The following ERLEC1 variants were observed in gnomAD, a reference collection of about 807,000 sequenced individuals.
ERLEC1 encodes the protein ER lectin.
In ERLEC1, 47 loss-of-function variants were observed where a neutral mutation model predicts 68.0. The observed-to-expected ratio is 0.69, with a 90% CI of 0.55 to 0.88. The LOEUF (loss-of-function observed/expected upper bound fraction) is 0.88. Ranked by LOEUF, ERLEC1 falls within the 40% of genes least tolerant of loss-of-function variation. ERLEC1 has a pLI of 0.00. For missense variants in ERLEC1, 567 were observed against 583.8 expected (o/e 0.97, Z 0.30); for synonymous variants, 225 against 203.2 (o/e 1.11, Z -0.91).
chr2:53,808,187 G>T (rs1161295118), intron 8 of ERLEC1, 112 bp from the exon 9 acceptor site: 1 of 1,141,360 alleles, frequency 8.8e-7, no homozygotes, highest in Non-Finnish European at 1.2e-6. Context: ...AAAGCAAGTG[G>T]ACAATTTATT....
At position 53,817,962 on chromosome 2, in the gene ERLEC1, C is replaced by G; in HGVS notation, c.1445C>G (p.Pro482Arg). 1 of 1,563,616 alleles carries G rather than the reference C, an allele frequency of 6.4e-7. No homozygotes were observed. The highest frequency in any genetic ancestry group is 1.7e-5 in the Admixed American group (1 of 59,958). Residue 482 changes from proline (P) to arginine (R), a missense_variant, in exon 14 of 14, where the codon CCC becomes CGC. By Grantham distance (103) the Pro-to-Arg change is moderately radical (BLOSUM62 -2). Coordinates refer to ENST00000185150, the MANE Select transcript of ERLEC1 (RefSeq NM_015701.5). ...GATGAAAATGGACTTCTTTCTCTCC[C>G]CAACTAAAGGATATTAAAGTTAGGG... ...TADENGLLSL[P>R]N
At chr2:53,808,095 G>A (rs1456160168) in intron 8 of ERLEC1, among the ~76,000 whole-genome samples, 3 of 151,978 alleles carry the variant, frequency 2.0e-5, no homozygotes, top group Admixed American at 1.3e-4. Flanking sequence ...TAGGATGGTC[G>A]TAACTGATAG....
At chr2:53,794,918 G>A (rs1417573681) in intron 2 of ERLEC1, among the ~76,000 whole-genome samples, 2 of 152,142 alleles carry the variant, frequency 1.3e-5, no homozygotes, top group Admixed American at 6.5e-5. Context: ...CTCCCAAAGT[G>A]CTGGGATTAC....
At chr2:53,794,578 A>C in intron 2 of ERLEC1, 129 bp downstream of exon 2, 2 of 546,352 alleles carry the variant, frequency 3.7e-6, no homozygotes, top group South Asian at 5.7e-5. Flanking sequence ...TAAAAATAGT[A>C]ATCACTTTTA....
intron 8 of ERLEC1, among the ~76,000 whole-genome samples, chr2:53,804,786 C>T (rs1298233377): frequency 6.6e-6 from 1 of 151,936 alleles, no homozygotes; most frequent in Non-Finnish European, 1.5e-5. Context: ...TTAACCATCC[C>T]CACCTCCTTC....
At chr2:53,800,980 A>C (rs1675971752) in intron 6 of ERLEC1, among the ~76,000 whole-genome samples, 1 of 152,152 alleles carries the variant, frequency 6.6e-6, no homozygotes, top group South Asian at 2.1e-4. Flanking sequence ...AGACCTATCA[A>C]ATCTAAACTC....
chr2:53,812,975 G>A lies in ERLEC1; in HGVS notation c.1128G>A (p.Val376=), dbSNP rs374322593. ...ACAAGGATAGTGGGAAAACCTCTGT[G>A]GTTGTCGGGACATGGAACCAAGAAG... The part of the protein sequence containing the change: ...HEDKDSGKTS[V]VVGTWNQEEH... The change falls in exon 11 of 14, where the codon GTG becomes GTA. Residue 376 remains valine, a synonymous_variant. Coordinates refer to ENST00000185150, the MANE Select transcript of ERLEC1 (RefSeq NM_015701.5). 9.3e-6 allele frequency: 15 copies of A among 1,613,096 alleles called. No individual in the cohort carries two copies. Among genetic ancestry groups the A allele is most frequent in the East Asian group, 2.2e-5 (1 of 44,870 alleles).
Position 53,792,154 on chromosome 2 carries a change from T to A in ERLEC1, c.163-2191T>A, listed in dbSNP as rs140224058. 8.6e-4 allele frequency among the ~76,000 whole-genome samples: 131 copies of A among 151,846 alleles called. 2 individuals are homozygous for A. In the East Asian group the frequency reaches 0.024, roughly 28 times the overall value. ...TAGTCTGGATCTCCTGCCCTCTATC[T>A]GATCCGCCCGTTTCGGCCTCCCAAA... On this transcript the variant is annotated intron_variant, in intron 1 of 13. Coordinates refer to ENST00000185150, the MANE Select transcript of ERLEC1 (RefSeq NM_015701.5).
intron 3 of ERLEC1, among the ~76,000 whole-genome samples, chr2:53,797,029 T>C (rs1042318156): frequency 7.9e-5 from 12 of 151,716 alleles, no homozygotes; most frequent in African/African-American, 2.7e-4. Flanking sequence ...GTAGCTAGGG[T>C]TACACACACG....
chr2:53,797,682 A>G, intron 4 of ERLEC1, 50 bp from the exon 5 acceptor site: 1 of 1,576,150 alleles, frequency 6.3e-7, no homozygotes, highest in Non-Finnish European at 8.7e-7. Flanking sequence ...TATCCTTAAA[A>G]ATGTCTTTGC....
At chr2:53,815,926 A>G (rs1676852084) in intron 13 of ERLEC1, among the ~76,000 whole-genome samples, 1 of 152,118 alleles carries the variant, frequency 6.6e-6, no homozygotes, top group Non-Finnish European at 1.5e-5. Context: ...AGAGGTCTGG[A>G]CATTAACTCT....
intron 8 of ERLEC1, among the ~76,000 whole-genome samples, chr2:53,807,212 T>A (rs886331158): frequency 6.6e-6 from 1 of 152,204 alleles, no homozygotes; most frequent in African/African-American, 2.4e-5. Flanking sequence ...TTTTACCTCT[T>A]CCTCAAGTCT....
Position 53,808,478 on chromosome 2 carries a change from A to C in ERLEC1, c.1041+18A>C, listed in dbSNP as rs192095321. 1.3e-5 allele frequency: 21 copies of C among 1,610,970 alleles called. No individual in the cohort carries two copies. The highest frequency in any genetic ancestry group is 1.8e-5 in the Non-Finnish European group (21 of 1,179,522). ...TTCGTGGGGTGAGAAGTAAATCTTC[A>C]GTTTAAATATTTATTTTACAACTTT... On this transcript the variant is annotated intron_variant, in intron 9 of 13. Transcript: ENST00000185150.
chr2:53,787,384 C>T lies in ERLEC1; in HGVS notation c.162+12C>T, dbSNP rs559375309. 1.7e-4 allele frequency: 268 copies of T among 1,599,764 alleles called. 3 individuals carry two copies. The South Asian group carries it at 2.8e-3, about 17-fold the overall frequency. ...CCGAGTTCTCTCTGGTCAGTGCCCTCACTAACCCCGCAGCCACCCCTCCTC... is the reference window on the plus strand; with the variant it reads ...CCGAGTTCTCTCTGGTCAGTGCCCTTACTAACCCCGCAGCCACCCCTCCTC... On this transcript the variant is annotated intron_variant, in intron 1 of 13. Transcript: ENST00000185150.
At position 53,801,442 on chromosome 2, in the gene ERLEC1, G is replaced by T. The variant is rs771607621; in HGVS notation, c.571G>T (p.Val191Leu). Reference sequence around the variant, plus strand: ...AGGTCAGATGACACCATACTATCCTGTGGGAATGGGAAATGGTACACCTTG... The same window carrying T: ...AGGTCAGATGACACCATACTATCCTTTGGGAATGGGAAATGGTACACCTTG... Reference protein sequence around the residue: ...IEGQMTPYYPVGMGNGTPCSL... With the variant: ...IEGQMTPYYPLGMGNGTPCSL... Residue 191 changes from valine (V) to leucine (L), a missense_variant, in exon 7 of 14, where the codon GTG becomes TTG. Val to Leu is a conservative substitution (Grantham distance 32). Transcript: ENST00000185150. The T allele has an allele frequency of 3.7e-6, 6 of 1,613,812 alleles. No homozygotes were observed. In the South Asian group the frequency reaches 6.6e-5, roughly 18 times the overall value.
At chr2:53,815,968 G>C (rs1676857763) in intron 13 of ERLEC1, among the ~76,000 whole-genome samples, 1 of 151,866 alleles carries the variant, frequency 6.6e-6, no homozygotes, top group Non-Finnish European at 1.5e-5. Flanking sequence ...TTTTTTCTCT[G>C]TCTGTGGCTT....
chr2:53,797,174 C>T (rs761778734), intron 3 of ERLEC1, among the ~76,000 whole-genome samples: 2 of 152,092 alleles, frequency 1.3e-5, no homozygotes, highest in African/African-American at 2.4e-5. Context: ...GGATTACAGG[C>T]GTAAGCCAGT....
Position 53,807,112 on chromosome 2 carries a change from A to G in ERLEC1, c.880-1187A>G, listed in dbSNP as rs532474466. 2.0e-5 allele frequency among the ~76,000 whole-genome samples: 3 copies of G among 152,252 alleles called. No homozygotes were observed. In the South Asian group the frequency reaches 6.2e-4, roughly 32 times the overall value. ...CACATCTTTGCCTAAATCCTATAAA[A>G]TGATGTCCAAACCTCTCAGCATTTA... On this transcript the variant is annotated intron_variant, in intron 8 of 13. Transcript: ENST00000185150.
At chr2:53,790,204 G>T (rs1675315574) in intron 1 of ERLEC1, among the ~76,000 whole-genome samples, 1 of 151,596 alleles carries the variant, frequency 6.6e-6, no homozygotes, top group African/African-American at 2.4e-5. Flanking sequence ...AGCGATTCTT[G>T]TTGCCCAGCC....
Sources: gnomAD v4.1 joint callset for allele counts (sites outside exome capture counted in the v4.1 genomes callset) on GRCh38, gnomAD v4.1.1 for gene constraint, MANE v1.5 for transcripts, NCBI Gene and HGNC (gene_info 2026-07-23, HGNC 2026-07-21) for gene names.